The following ELSPBP1 variants were observed in gnomAD, a reference collection of about 807,000 sequenced individuals.
The protein encoded by ELSPBP1 is epididymal sperm-binding protein 1.
A neutral mutation model predicts 33.3 loss-of-function variants in ELSPBP1; 38 were observed. That is an observed-to-expected ratio of 1.14 (90% CI 0.88 to 1.50). ELSPBP1 has a LOEUF of 1.50. Among genes scored for constraint, ELSPBP1 ranks in the 40% most tolerant of loss-of-function variants. ELSPBP1 has a pLI of 0.00. For synonymous variants in ELSPBP1, 85 were observed against 94.1 expected (o/e 0.90, Z 0.56); for missense variants, 267 against 263.5 (o/e 1.01, Z -0.09).
chr19:48,003,489 G>T (rs568586456), intron 1 of ELSPBP1, among the ~76,000 whole-genome samples: 1 of 151,170 alleles, frequency 6.6e-6, no homozygotes, highest in East Asian at 1.9e-4. Flanking sequence ...ACTAGGGATT[G>T]TATTCTAAAG....
chr19:48,004,857 A>T (rs1967001929), intron 1 of ELSPBP1, among the ~76,000 whole-genome samples: 1 of 152,184 alleles, frequency 6.6e-6, no homozygotes, highest in African/African-American at 2.4e-5. Flanking sequence ...CATCTTTTAA[A>T]TGCTCAATAA....
chr19:48,021,614 A>G (rs1967201121), intron 5 of ELSPBP1, among the ~76,000 whole-genome samples: 1 of 151,082 alleles, frequency 6.6e-6, no homozygotes, highest in African/African-American at 2.4e-5. Context: ...TAATTTTTGT[A>G]TATATGTATT....
intron 1 of ELSPBP1, among the ~76,000 whole-genome samples, chr19:47,997,638 C>A (rs1328253741): frequency 1.3e-5 from 2 of 152,072 alleles, no homozygotes; most frequent in South Asian, 4.1e-4. Context: ...CCAGGCTGGT[C>A]TCAAATTCCT....
chr19:48,022,499 G>A (rs1967212900), intron 6 of ELSPBP1, 165 bp downstream of exon 6: 1 of 544,498 alleles, frequency 1.8e-6, no homozygotes, highest in Non-Finnish European at 3.0e-6. Flanking sequence ...TGTCTGATTA[G>A]CTGAGGTTCC....
In ELSPBP1 at chr19:48,014,319, T is replaced by G. The variant is rs779504982; in HGVS notation, c.208+11T>G. On this transcript the variant is annotated intron_variant, in intron 3 of 6. Transcript: ENST00000339841. ...ACTGCCAGAGTGAAGGTGAGTGGTA[T>G]CACATTGTCCCTGCCAGTGGCCTTT... 1 of 1,612,714 alleles carries G rather than the reference T, an allele frequency of 6.2e-7. No homozygotes were observed. The highest frequency in any genetic ancestry group is 8.5e-7 in the Non-Finnish European group (1 of 1,179,642).
At chr19:48,008,611 G>A (rs1465487444) in intron 1 of ELSPBP1, 40 bp from the exon 2 acceptor site, 2 of 1,421,716 alleles carry the variant, frequency 1.4e-6, no homozygotes, top group Non-Finnish European at 2.0e-6. Flanking sequence ...GAAGAGGAAG[G>A]GGACGTGTGG....
intron 2 of ELSPBP1, among the ~76,000 whole-genome samples, chr19:48,010,072 T>C (rs1377852232): frequency 2.0e-5 from 3 of 152,186 alleles, no homozygotes; most frequent in Non-Finnish European, 4.4e-5. Context: ...AAAACTGATA[T>C]GGCTCTTAAC....
In ELSPBP1 at chr19:48,022,453, G is replaced by A. The variant is rs60507894; in HGVS notation, c.*7+119G>A. ...TTTTCAAGCGTGTCTGATTAGCGTC[G>A]CTGATGTGAAGGCGAGATCTGTTGC... is the stretch of plus-strand genomic sequence containing the variant. On this transcript the variant is annotated intron_variant, in intron 6 of 6. Coordinates refer to ENST00000339841, the MANE Select transcript of ELSPBP1 (RefSeq NM_022142.5). 5.5e-6 allele frequency: 5 copies of A among 916,818 alleles called. No individual in the cohort carries two copies. In the African/African-American group the frequency reaches 6.8e-5, roughly 12 times the overall value. The allele number at this position is 916,818 out of a possible 1,614,324, so 56.8% of individuals were successfully genotyped here. A position where few individuals can be genotyped will look rare whatever the true frequency, so the allele number is the denominator to read the frequency against.
At chr19:48,005,800 A>G (rs924596477) in intron 1 of ELSPBP1, among the ~76,000 whole-genome samples, 10 of 152,112 alleles carry the variant, frequency 6.6e-5, no homozygotes, top group African/African-American at 2.4e-4. Flanking sequence ...AAGTTCTCCA[A>G]CTTGCATGAT....
intron 1 of ELSPBP1, among the ~76,000 whole-genome samples, chr19:47,999,292 A>C (rs1217050414): frequency 6.6e-6 from 1 of 151,882 alleles, no homozygotes; most frequent in Non-Finnish European, 1.5e-5. Flanking sequence ...AAAGTGCACA[A>C]TTTAGTGGCG....
chr19:48,017,184 C>T lies in ELSPBP1; in HGVS notation c.355+1145C>T, dbSNP rs552173760. ...TCCATATAGTTCCAAAGCCCATGCTCTCTCCTTAAGCATTGTTGCGTCCAC... is the reference window on the plus strand; with the variant it reads ...TCCATATAGTTCCAAAGCCCATGCTTTCTCCTTAAGCATTGTTGCGTCCAC... On this transcript the variant is annotated intron_variant, in intron 4 of 6. Transcript: ENST00000339841. 6.4e-4 allele frequency among the ~76,000 whole-genome samples: 98 copies of T among 152,314 alleles called. 1 individual carries two copies. Among genetic ancestry groups the T allele is most frequent in the African/African-American group, 2.3e-3 (97 of 41,572 alleles).
At chr19:48,018,343 G>T (rs931901628) in intron 4 of ELSPBP1, among the ~76,000 whole-genome samples, 2 of 152,074 alleles carry the variant, frequency 1.3e-5, no homozygotes, top group African/African-American at 4.8e-5. Flanking sequence ...AGGATTGATG[G>T]TGATGCCATA....
intron 1 of ELSPBP1, among the ~76,000 whole-genome samples, chr19:48,006,363 T>C (rs1158316950): frequency 6.6e-6 from 1 of 152,012 alleles, no homozygotes; most frequent in African/African-American, 2.4e-5. Flanking sequence ...CCTGTAACAC[T>C]AGCACTTTAA....
chr19:47,998,204 G>C (rs929291156), intron 1 of ELSPBP1, among the ~76,000 whole-genome samples: 2 of 151,972 alleles, frequency 1.3e-5, no homozygotes, highest in African/African-American at 4.8e-5. Context: ...ATGAGGTCTG[G>C]AGTTCAAGAT....
In ELSPBP1 at chr19:48,006,639, A is replaced by G. The variant is rs1272172914; in HGVS notation, c.-17-2012A>G. The stretch of plus-strand genomic sequence containing the variant: ...CCTGTCTCAAAAAAAAAAAAAAAAA[A>G]AAAAAAAAGAAAAGAAAAAGAAAAT... On this transcript the variant is annotated intron_variant, in intron 1 of 6. Coordinates refer to ENST00000339841, the MANE Select transcript of ELSPBP1 (RefSeq NM_022142.5). Among the ~76,000 whole-genome samples the G allele has an allele frequency of 4.7e-3, 558 of 117,486 alleles. 10 individuals carry two copies. Among genetic ancestry groups the G allele is most frequent in the African/African-American group, 0.017 (532 of 30,692 alleles). 77.1% of individuals were successfully genotyped at this position (117,486 alleles called of 152,430 possible). A position where few individuals can be genotyped will look rare whatever the true frequency, so the allele number is the denominator to read the frequency against.
intron 6 of ELSPBP1, among the ~76,000 whole-genome samples, chr19:48,023,995 T>C (rs947785629): frequency 5.3e-5 from 8 of 151,652 alleles, no homozygotes; most frequent in Non-Finnish European, 1.2e-4. Context: ...CTCAGCCTCC[T>C]GAGTAGCTGG....
intron 5 of ELSPBP1, among the ~76,000 whole-genome samples, chr19:48,020,471 T>C (rs1168376938): frequency 6.6e-6 from 1 of 152,170 alleles, no homozygotes; most frequent in Non-Finnish European, 1.5e-5. Context: ...GGTGAGAACA[T>C]GTGTGTTGGG....
At chr19:48,015,772 A>C in intron 3 of ELSPBP1, 121 bp from the exon 4 acceptor site, 1 of 907,084 alleles carries the variant, frequency 1.1e-6, no homozygotes, top group Non-Finnish European at 1.6e-6. Context: ...GAAATAATGC[A>C]TAAAGTCTCT....
At chr19:47,996,694 TGATG>T (rs972289128) in intron 1 of ELSPBP1, among the ~76,000 whole-genome samples, 1 of 151,796 alleles carries the variant, frequency 6.6e-6, no homozygotes, top group Non-Finnish European at 1.5e-5. Context: ...AAGGGATGGT[TGATG>T]GATGGATGGA....
Sources: gnomAD v4.1 joint callset for allele counts (sites outside exome capture counted in the v4.1 genomes callset) on GRCh38, gnomAD v4.1.1 for gene constraint, MANE v1.5 for transcripts, NCBI Gene and HGNC (gene_info 2026-07-23, HGNC 2026-07-21) for gene names.